Variants in ROS1 observed in about 807,000 individuals in gnomAD.
The protein encoded by ROS1 is proto-oncogene tyrosine-protein kinase ROS.
In ROS1, 263 loss-of-function variants were observed where a neutral mutation model predicts 273.5. The ratio of observed to expected loss-of-function variants is 0.96; its 90% CI spans 0.87 to 1.06. The LOEUF is 1.06. Among genes scored for constraint, ROS1 ranks in the 50% least tolerant of loss-of-function variants. The pLI is 0.00. For synonymous variants in ROS1, 1,008 were observed against 954.1 expected (o/e 1.06, Z -1.04); for missense variants, 2,833 against 2,751.1 (o/e 1.03, Z -0.67).
rs201937922 is a variant in ROS1, at chr6:117,394,697, A to C, written c.925T>G (p.Ser309Ala). The C allele has an allele frequency of 3.8e-5, 62 of 1,611,306 alleles. No homozygotes were observed. Among genetic ancestry groups the C allele is most frequent in the Non-Finnish European group, 4.8e-5 (57 of 1,178,898 alleles). ...EQWLFLSRKT[S>A]LRKRSLKHLV... Reference sequence around the variant, plus strand: ...TGTTTTAAAGATCTCTTTCTTAGAGAAGTTTTTCTGGATAAAAAGAGCCAC... The same window carrying C: ...TGTTTTAAAGATCTCTTTCTTAGAGCAGTTTTTCTGGATAAAAAGAGCCAC... The change falls in exon 10 of 44, where the codon TCT becomes GCT. Residue 309 changes from serine (S) to alanine (A), a missense_variant. Physicochemically the swap from Ser to Ala is moderately conservative, Grantham distance 99 (BLOSUM62 1). Transcript: ENST00000368507.
At chr6:117,396,131 A>G in intron 9 of ROS1, 57 bp downstream of exon 9, 1 of 1,423,082 alleles carries the variant, frequency 7.0e-7, no homozygotes, top group South Asian at 1.2e-5. Context: ...TCTGGCTCTG[A>G]AACCACCCTT....
intron 32 of ROS1, 52 bp downstream of exon 32, chr6:117,337,120 G>GA: frequency 7.0e-7 from 1 of 1,420,240 alleles, no homozygotes; most frequent in South Asian, 1.3e-5. Context: ...TAAGTGATAA[G>GA]AAAAAAACTG....
At chr6:117,421,879 A>T (rs1775787272) in intron 1 of ROS1, among the ~76,000 whole-genome samples, 1 of 152,056 alleles carries the variant, frequency 6.6e-6, no homozygotes, top group African/African-American at 2.4e-5. Flanking sequence ...CTTTTTAGGG[A>T]GTCTAAATTT....
At position 117,362,884 on chromosome 6, in the gene ROS1, G is replaced by A. The variant is rs757361280; in HGVS notation, c.3104-19C>T. 1 of 1,582,274 alleles carries A rather than the reference G, an allele frequency of 6.3e-7. No individual in the cohort carries two copies. The highest frequency in any genetic ancestry group is 1.4e-5 in the African/African-American group (1 of 73,182). ...GATGGAACTGAAAAGTAGAGGCACA[G>A]GTAGAGCAGAAAAGAATATAAGAAT... On this transcript the variant is annotated intron_variant, in intron 21 of 43. Transcript: ENST00000368507.
At position 117,388,743 on chromosome 6, in the gene ROS1, G is replaced by A. The variant is rs181117790; in HGVS notation, c.1786+607C>T. Among the ~76,000 whole-genome samples the A allele has an allele frequency of 3.1e-3, 466 of 152,308 alleles. 8 individuals carry two copies. The highest frequency in any genetic ancestry group is 1.7e-3 in the Non-Finnish European group (119 of 68,036). The stretch of plus-strand genomic sequence containing the variant: ...AAAAAGTTTGCTGACCTCTGTGCTA[G>A]ATACTGTTCTAAGTGCTCTACTAAT... On this transcript the variant is annotated intron_variant, in intron 13 of 43. Transcript: ENST00000368507.
rs756474783 is a variant in ROS1, at chr6:117,359,785, C to T, written c.3633+24G>A. On this transcript the variant is annotated intron_variant, in intron 24 of 43. Coordinates refer to ENST00000368507, the MANE Select transcript of ROS1 (RefSeq NM_001378902.1). ...TGCAAATACTTCACTTCCTTTATTT[C>T]GGAAGAATTACATAGTGAAATACCT... 34 of 1,588,408 alleles carry T rather than the reference C, an allele frequency of 2.1e-5. No individual in the cohort carries two copies. The Middle Eastern group carries it at 6.6e-4, about 31-fold the overall frequency.
chr6:117,305,504 A>T (rs926437416), intron 42 of ROS1, among the ~76,000 whole-genome samples: 1 of 152,182 alleles, frequency 6.6e-6, no homozygotes, highest in Admixed American at 6.5e-5. Flanking sequence ...ATTTAATCCA[A>T]TCATTACTCT....
intron 27 of ROS1, among the ~76,000 whole-genome samples, chr6:117,350,858 T>C (rs1778789261): frequency 6.6e-6 from 1 of 152,126 alleles, no homozygotes; most frequent in African/African-American, 2.4e-5. Flanking sequence ...CAAATATCCA[T>C]ATCTTTGCTC....
Position 117,387,925 on chromosome 6 carries a change from A to G in ROS1, c.1854T>C (p.Thr618=), listed in dbSNP as rs1457344579. 1 of 1,614,086 alleles carries G rather than the reference A, an allele frequency of 6.2e-7. No homozygotes were observed. The highest frequency in any genetic ancestry group is 1.3e-5 in the African/African-American group (1 of 74,936). ...TTCCACTTATGTTCAAGAAAATATG[A>G]GTGACTTCAGGAGGGTCTTGGGTGG... ...KVSTQDPPEV[T]HIFLNISGTM... Residue 618 remains threonine (T), a synonymous_variant, in exon 14 of 44, where the codon ACT becomes ACC. Transcript: ENST00000368507.
At chr6:117,395,602 AT>A (rs1208126885) in intron 9 of ROS1, among the ~76,000 whole-genome samples, 1 of 152,134 alleles carries the variant, frequency 6.6e-6, no homozygotes, top group Non-Finnish European at 1.5e-5. Context: ...CTTAGAAAGC[AT>A]TTTCATTTGT....
intron 21 of ROS1, among the ~76,000 whole-genome samples, chr6:117,364,339 C>A (rs1165247603): frequency 6.6e-6 from 1 of 152,182 alleles, no homozygotes. Context: ...CATTTACCAA[C>A]ATTTGTAAAA....
chr6:117,380,330 T>TA (rs1427815615), intron 17 of ROS1, among the ~76,000 whole-genome samples: 1 of 152,116 alleles, frequency 6.6e-6, no homozygotes, highest in African/African-American at 2.4e-5. Context: ...GAAACAGTTA[T>TA]AAGGTACATG....
intron 17 of ROS1, 71 bp from the exon 18 acceptor site, chr6:117,379,230 C>T: frequency 2.3e-6 from 2 of 873,890 alleles, no homozygotes; most frequent in Non-Finnish European, 3.7e-6. Context: ...ACAGGTCACA[C>T]TTAAGCTATA....
chr6:117,295,651 C>A (rs55730491), intron 43 of ROS1, among the ~76,000 whole-genome samples: 2 of 152,086 alleles, frequency 1.3e-5, no homozygotes, highest in African/African-American at 4.8e-5. Context: ...AGGAAAAAAG[C>A]TAATAGTCTG....
chr6:117,340,478 ATATAT>A (rs1216941559), intron 31 of ROS1, among the ~76,000 whole-genome samples: 1 of 152,210 alleles, frequency 6.6e-6, no homozygotes, highest in African/African-American at 2.4e-5. Context: ...GCACATGCAC[ATATAT>A]AATAGTTAAA....
At position 117,310,008 on chromosome 6, in the gene ROS1, T is replaced by G. The variant is rs1448236420; in HGVS notation, c.6416+73A>C. ...TTTTCTCACATTAAAAAAGCAAGAT[T>G]AGATGTCCTTTTAAAATCCCCTCTA... On this transcript the variant is annotated intron_variant, in intron 41 of 43. Transcript: ENST00000368507. The G allele has an allele frequency of 3.8e-6, 5 of 1,318,636 alleles. 1 individual carries two copies. The Admixed American group carries it at 8.6e-5, about 23-fold the overall frequency. The allele number at this position is 1,318,636 out of a possible 1,614,324, so 81.7% of individuals were successfully genotyped here. A position where few individuals can be genotyped will look rare whatever the true frequency, so the allele number is the denominator to read the frequency against.
chr6:117,385,609 A>G (rs1291109486), intron 16 of ROS1, 74 bp downstream of exon 16: 2 of 1,302,904 alleles, frequency 1.5e-6, no homozygotes, highest in African/African-American at 1.5e-5. Context: ...AAAAAAAAAA[A>G]GAAATTGGTG....
Position 117,356,921 on chromosome 6 carries a change from G to C in ROS1, c.3840-6C>G, listed in dbSNP as rs747357267. On this transcript the variant is annotated splice_polypyrimidine_tract_variant and splice_region_variant and intron_variant, in intron 25 of 43. Coordinates refer to ENST00000368507, the MANE Select transcript of ROS1 (RefSeq NM_001378902.1). ...CTTCTGTCCAATACAAGCGACTATAGAGGAAAAAAAAGTCCCCCCAACTTA... is the reference window on the plus strand; with the variant it reads ...CTTCTGTCCAATACAAGCGACTATACAGGAAAAAAAAGTCCCCCCAACTTA... The C allele has an allele frequency of 3.8e-6, 6 of 1,594,998 alleles. No individual in the cohort carries two copies. Among genetic ancestry groups the C allele is most frequent in the Non-Finnish European group, 5.1e-6 (6 of 1,172,668 alleles).
intron 38 of ROS1, among the ~76,000 whole-genome samples, chr6:117,317,812 C>T (rs1776022143): frequency 6.6e-6 from 1 of 152,090 alleles, no homozygotes; most frequent in Non-Finnish European, 1.5e-5. Context: ...GACAAGTTTA[C>T]TAAGACAAAG....
Sources: gnomAD v4.1 joint callset for allele counts (sites outside exome capture counted in the v4.1 genomes callset) on GRCh38, gnomAD v4.1.1 for gene constraint, MANE v1.5 for transcripts, NCBI Gene and HGNC (gene_info 2026-07-23, HGNC 2026-07-21) for gene names.